BBOF1: variants seen among roughly 807,000 people sequenced by gnomAD.
BBOF1 encodes the protein basal body orientation factor 1.
A neutral mutation model predicts 68.0 loss-of-function variants in BBOF1; 62 were observed. That is an observed-to-expected ratio of 0.91 (90% CI 0.74 to 1.13). The LOEUF (loss-of-function observed/expected upper bound fraction) is 1.13. Among genes scored for constraint, BBOF1 ranks in the 50% most tolerant of loss-of-function variants. BBOF1 has a pLI of 0.00. For missense variants in BBOF1, 534 were observed against 600.1 expected, an observed-to-expected ratio of 0.89 and a Z score of 1.15; for synonymous variants, 208 against 198.8, an observed-to-expected ratio of 1.05 and a Z score of -0.39.
rs148247091 is a variant in BBOF1, at chr14:74,024,748, G to T, written c.285+1604G>T. ...CCCAAAGTGCTGGGATTGCAAGCAT[G>T]AGCCACCATGCCTGGCTGATTTTTT... On this transcript the variant is annotated intron_variant, in intron 2 of 11. Transcript: ENST00000394009. Among the ~76,000 whole-genome samples, 544 of 152,178 alleles carry T rather than the reference G, an allele frequency of 3.6e-3. 4 individuals are homozygous for T. The highest frequency in any genetic ancestry group is 0.012 in the African/African-American group (513 of 41,512).
At chr14:74,058,768 T>A (rs2060275428) in intron 11 of BBOF1, 1 of 152,670 alleles carries the variant, frequency 6.6e-6, no homozygotes, top group South Asian at 2.1e-4. Flanking sequence ...TGACCTTAAG[T>A]TTAGATATAT....
intron 2 of BBOF1, among the ~76,000 whole-genome samples, chr14:74,026,181 GC>G (rs1314288337): frequency 6.7e-6 from 1 of 150,252 alleles, no homozygotes; most frequent in Non-Finnish European, 1.5e-5. Flanking sequence ...GGTGGCTCAT[GC>G]CTGTAATCCC....
At chr14:74,035,349 G>C (rs915444432) in intron 4 of BBOF1, among the ~76,000 whole-genome samples, 1 of 151,682 alleles carries the variant, frequency 6.6e-6, no homozygotes, top group Admixed American at 6.6e-5. Flanking sequence ...TTCCAAGGAG[G>C]CACATTCAAG....
chr14:74,036,456 G>A (rs537922189), intron 4 of BBOF1, among the ~76,000 whole-genome samples: 3 of 152,226 alleles, frequency 2.0e-5, no homozygotes, highest in Admixed American at 6.5e-5. Flanking sequence ...TCCAAGGCAG[G>A]TGGATCACCT....
At chr14:74,019,562 T>C in intron 1 of BBOF1, 28 bp downstream of exon 1, 2 of 1,572,628 alleles carry the variant, frequency 1.3e-6, no homozygotes, top group Non-Finnish European at 1.7e-6. Flanking sequence ...GAGAGTCCCC[T>C]CTCCCTGGGC....
At chr14:74,042,389 G>A (rs1338711041) in intron 5 of BBOF1, among the ~76,000 whole-genome samples, 5 of 152,142 alleles carry the variant, frequency 3.3e-5, no homozygotes, top group Admixed American at 6.6e-5. Context: ...TTTCTACTTG[G>A]TGTAGAAAAT....
intron 3 of BBOF1, among the ~76,000 whole-genome samples, chr14:74,031,532 A>G (rs2059570112): frequency 6.6e-6 from 1 of 152,146 alleles, no homozygotes; most frequent in African/African-American, 2.4e-5. Context: ...TGCTCAAACA[A>G]CAAACATGTA....
At chr14:74,069,915 A>C (rs1217838254), downstream of BBOF1, among the ~76,000 whole-genome samples, 1 of 144,212 alleles carries the variant, frequency 6.9e-6, no homozygotes, top group Admixed American at 7.1e-5. Flanking sequence ...ACAGTGGTAC[A>C]GTCTTGGCTC....
rs1193705675 is a variant in BBOF1 at position 74,019,406 on chromosome 14, C to T, written c.-73C>T. 6.5e-7 allele frequency: 1 copy of T among 1,534,184 alleles called. No homozygotes were observed. The highest frequency in any genetic ancestry group is 8.8e-7 in the Non-Finnish European group (1 of 1,139,412). On this transcript the variant is annotated 5_prime_UTR_variant, in exon 1 of 12. Coordinates refer to ENST00000394009, the MANE Select transcript of BBOF1 (RefSeq NM_025057.3). ...GCATTGCCAGCTCGGCGTCCCGGTTCCCTTGGAGACAGAGCTGGCCAGGGC... is the reference window on the plus strand; with the variant it reads ...GCATTGCCAGCTCGGCGTCCCGGTTTCCTTGGAGACAGAGCTGGCCAGGGC...
chr14:74,062,598 C>G (rs1424611448), intron 11 of BBOF1, among the ~76,000 whole-genome samples: 2 of 151,994 alleles, frequency 1.3e-5, no homozygotes, highest in African/African-American at 4.8e-5. Context: ...AAGATTCCAT[C>G]AAAAAAACCC....
chr14:74,038,945 CCCGATT>C (rs1393291429), intron 4 of BBOF1, among the ~76,000 whole-genome samples: 4 of 152,098 alleles, frequency 2.6e-5, no homozygotes, highest in African/African-American at 9.7e-5. Flanking sequence ...TTTCCATATA[CCCGATT>C]AACCAAAGAA....
intron 9 of BBOF1, chr14:74,071,216 T>C: frequency 1.2e-6 from 2 of 1,614,194 alleles, no homozygotes; most frequent in Non-Finnish European, 1.7e-6. Flanking sequence ...CCATGGATGA[T>C]GTTTAATGTT....
At chr14:74,056,279 C>A (rs992281828) in intron 9 of BBOF1, among the ~76,000 whole-genome samples, 1 of 150,060 alleles carries the variant, frequency 6.7e-6, no homozygotes, top group East Asian at 2.0e-4. Flanking sequence ...CGGCTCACTG[C>A]AACCTCTGCC....
chr14:74,079,429 GTT>G (rs112520921), intron 10 of BBOF1, among the ~76,000 whole-genome samples: 8 of 135,272 alleles, frequency 5.9e-5, no homozygotes, highest in South Asian at 4.6e-4. Context: ...TTTTCTTATT[GTT>G]TTTTTTTTTT....
Position 74,040,537 on chromosome 14 carries a change from TTTTG to T in BBOF1, c.496-17_496-14del, listed in dbSNP as rs762853574. 7.8e-5 allele frequency: 112 copies of T among 1,428,982 alleles called. 1 individual carries two copies. The highest frequency in any genetic ancestry group is 1.0e-4 in the Non-Finnish European group (105 of 1,051,362). The allele number at this position is 1,428,982 out of a possible 1,614,324, so 88.5% of individuals were successfully genotyped here. ...ATGACCCCCATTTTCTATTGATCAT[TTTTG>T]TTTGTTTGTTATTTTAATTTTAGCT... On this transcript the variant is annotated intron_variant, in intron 4 of 11. Transcript: ENST00000394009.
chr14:74,067,399 T>G, downstream of BBOF1: 16 of 1,613,606 alleles, frequency 9.9e-6, no homozygotes, highest in Non-Finnish European at 1.4e-5. Context: ...CTCTCAGGTT[T>G]TTGGCATGCT....
At chr14:74,078,110 G>GCTATTC (rs1477983610) in intron 9 of BBOF1, 1 of 440,874 alleles carries the variant, frequency 2.3e-6, no homozygotes, top group African/African-American at 2.0e-5. Flanking sequence ...TTCACTCTTT[G>GCTATTC]CTATTCCACA....
chr14:74,082,393 GTTTTTTTTT>G (rs869211328), intron 12 of BBOF1, among the ~76,000 whole-genome samples: 12 of 77,568 alleles, frequency 1.5e-4, no homozygotes, highest in South Asian at 6.6e-4. Flanking sequence ...CAAAATCGAG[GTTTTTTTTT>G]TTTTTTTTTT....
At chr14:74,022,175 C>T (rs2059317043) in intron 1 of BBOF1, among the ~76,000 whole-genome samples, 1 of 151,412 alleles carries the variant, frequency 6.6e-6, no homozygotes, top group South Asian at 2.1e-4. Flanking sequence ...AAGTTGGAGA[C>T]CAGCATAGGC....
Sources: allele counts gnomAD v4.1 joint callset (sites outside exome capture counted in the v4.1 genomes callset), GRCh38; gene constraint gnomAD v4.1.1; transcripts MANE v1.5; gene names NCBI Gene and HGNC (gene_info 2026-07-23, HGNC 2026-07-21).